Variants in FRG1 observed in about 807,000 individuals in gnomAD.
FRG1 encodes FSHD region gene 1.
In FRG1, 19 loss-of-function variants were observed where a neutral mutation model predicts 37.0. The ratio of observed to expected loss-of-function variants is 0.51; its 90% confidence interval spans 0.36 to 0.75. FRG1 has a LOEUF of 0.75. Among genes scored for constraint, FRG1 ranks in the 30% least tolerant of loss-of-function variants. The pLI is 0.00. For synonymous variants in FRG1, 73 were observed against 96.5 expected (o/e 0.76, Z 1.43); for missense variants, 243 against 301.4 (o/e 0.81, Z 1.44).
intron 4 of FRG1, among the ~76,000 whole-genome samples, chr4:189,953,584 G>A (rs1375795028): frequency 6.6e-6 from 1 of 152,034 alleles, no homozygotes; most frequent in Non-Finnish European, 1.5e-5. Context: ...TTCTCACCTT[G>A]TGCAAAAGTA....
chr4:189,948,744 G>T (rs113337589), intron 2 of FRG1, among the ~76,000 whole-genome samples: 2,714 of 110,398 alleles, frequency 0.025, no homozygotes, highest in South Asian at 0.035. Context: ...AGGCTGGAGT[G>T]CAGTGACATG....
intron 6 of FRG1, among the ~76,000 whole-genome samples, chr4:189,957,862 A>T (rs1342337914): frequency 2.6e-5 from 4 of 152,142 alleles, no homozygotes; most frequent in African/African-American, 7.2e-5. Flanking sequence ...AACATTTTCA[A>T]ATAAAAGCAT....
intron 8 of FRG1, among the ~76,000 whole-genome samples, chr4:189,962,535 G>A (rs79217547): frequency 4.6e-5 from 7 of 151,988 alleles, no homozygotes; most frequent in South Asian, 2.1e-4. Flanking sequence ...CATTCAAGTC[G>A]TATGTTGCAA....
At chr4:189,958,543 C>T (rs1192279907) in intron 6 of FRG1, among the ~76,000 whole-genome samples, 5 of 152,144 alleles carry the variant, frequency 3.3e-5, no homozygotes, top group African/African-American at 9.7e-5. Flanking sequence ...AATTTGTGTG[C>T]GTCACTAAGC....
At position 189,951,801 on chromosome 4, in the gene FRG1, A is replaced by T. The variant is rs573020794; in HGVS notation, c.134-361A>T. 3.3e-5 allele frequency among the ~76,000 whole-genome samples: 5 copies of T among 152,234 alleles called. No individual in the cohort carries two copies. In the South Asian group the frequency reaches 1.0e-3, roughly 32 times the overall value. ...TTCCCCAGCTCCCCGAGTAGCTGAG[A>T]TTACAGGCATGCACCCCCATGCCTG... On this transcript the variant is annotated intron_variant, in intron 2 of 8. Transcript: ENST00000226798.
At chr4:189,941,948 G>C (rs866070218) in intron 1 of FRG1, 1 of 372,870 alleles carries the variant, frequency 2.7e-6, no homozygotes, top group South Asian at 2.0e-5. Context: ...GAAGCCACTG[G>C]CCTTGAGAAC....
At chr4:189,945,829 G>C (rs1036189988) in intron 2 of FRG1, among the ~76,000 whole-genome samples, 4 of 152,002 alleles carry the variant, frequency 2.6e-5, no homozygotes, top group Admixed American at 2.6e-4. Flanking sequence ...GTGTAGAGAT[G>C]GGTATGAGTT....
At chr4:189,954,437 TTATAAC>T (rs1736892598) in intron 4 of FRG1, among the ~76,000 whole-genome samples, 1 of 152,130 alleles carries the variant, frequency 6.6e-6, no homozygotes, top group African/African-American at 2.4e-5. Flanking sequence ...TTCTTGAACT[TTATAAC>T]TAAAGAGGTA....
chr4:189,951,455 A>G (rs1452098906), intron 2 of FRG1, among the ~76,000 whole-genome samples: 2 of 150,496 alleles, frequency 1.3e-5, no homozygotes, highest in African/African-American at 4.9e-5. Flanking sequence ...GCATCACTGC[A>G]CTCCAGCCTG....
At chr4:189,954,555 C>T (rs1320186369) in intron 4 of FRG1, among the ~76,000 whole-genome samples, 2 of 150,414 alleles carry the variant, frequency 1.3e-5, no homozygotes, top group East Asian at 3.9e-4. Context: ...TAAAACTGCA[C>T]TGTCCAACAT....
At chr4:189,961,057 C>A (rs1360527058) in intron 7 of FRG1, 2 of 476,550 alleles carry the variant, frequency 4.2e-6, no homozygotes, top group Non-Finnish European at 7.6e-6. Flanking sequence ...CAGAGCAAGA[C>A]CGTGTCTGAA....
At chr4:189,962,290 A>G (rs10452275) in intron 8 of FRG1, among the ~76,000 whole-genome samples, 1 of 152,208 alleles carries the variant, frequency 6.6e-6, no homozygotes, top group Non-Finnish European at 1.5e-5. Flanking sequence ...TTAAAATAAG[A>G]ATAGATCAAC....
At chr4:189,954,661 C>A (rs1035786150) in intron 4 of FRG1, among the ~76,000 whole-genome samples, 1 of 150,220 alleles carries the variant, frequency 6.7e-6, no homozygotes, top group Non-Finnish European at 1.5e-5. Flanking sequence ...GTGGTGTGAC[C>A]GTATCTCACT....
chr4:189,946,330 A>AAGC (rs1736528494), intron 2 of FRG1, among the ~76,000 whole-genome samples: 1 of 149,742 alleles, frequency 6.7e-6, no homozygotes, highest in Non-Finnish European at 1.5e-5. Context: ...AAAAAAAGCA[A>AAGC]AAAAATCTCA....
intron 2 of FRG1, among the ~76,000 whole-genome samples, chr4:189,948,818 G>A (rs940737588): frequency 2.0e-5 from 3 of 152,298 alleles, no homozygotes; most frequent in Non-Finnish European, 2.9e-5. Flanking sequence ...CGACTCCCGA[G>A]TAGCTGGGAC....
rs1399937412 is a variant in FRG1 at position 189,951,965 on chromosome 4, A to G, written c.134-197A>G. 3.9e-5 allele frequency among the ~76,000 whole-genome samples: 6 copies of G among 152,350 alleles called. No individual in the cohort carries two copies. In the East Asian group the frequency reaches 7.7e-4, roughly 20 times the overall value. ...AAGCTTCATGGATTATATCAATTTC[A>G]GTTTCCTGATTCTGACAGTGTATGA... On this transcript the variant is annotated intron_variant, in intron 2 of 8. Transcript: ENST00000226798.
chr4:189,948,542 A>T (rs571753649), intron 2 of FRG1, among the ~76,000 whole-genome samples: 6 of 152,208 alleles, frequency 3.9e-5, no homozygotes, highest in Non-Finnish European at 8.8e-5. Context: ...TGCCAAGCAC[A>T]TAATGATAGT....
intron 7 of FRG1, 171 bp from the exon 8 acceptor site, chr4:189,961,651 G>A: frequency 2.2e-6 from 1 of 455,004 alleles, no homozygotes; most frequent in South Asian, 3.8e-5. Flanking sequence ...TGAGCGATGT[G>A]CCTGCCTTGG....
At chr4:189,947,134 G>A (rs887701509) in intron 2 of FRG1, among the ~76,000 whole-genome samples, 2 of 152,228 alleles carry the variant, frequency 1.3e-5, no homozygotes, top group African/African-American at 4.8e-5. Flanking sequence ...GAGCCGCGGT[G>A]CCCGGCCAGT....
Sources: gnomAD v4.1 joint callset for allele counts (sites outside exome capture counted in the v4.1 genomes callset) on GRCh38, gnomAD v4.1.1 for gene constraint, MANE v1.5 for transcripts, NCBI Gene and HGNC (gene_info 2026-07-23, HGNC 2026-07-21) for gene names.